The following CRYBA4 variants were observed in gnomAD, a reference collection of about 807,000 sequenced individuals.
The protein encoded by CRYBA4 is beta-crystallin A4.
In CRYBA4, 30 loss-of-function variants were observed where a neutral mutation model predicts 31.7. The observed-to-expected ratio is 0.95, with a 90% CI of 0.71 to 1.28. CRYBA4 has a LOEUF of 1.28. Among genes scored for constraint, CRYBA4 ranks in the 50% most tolerant of loss-of-function variants. CRYBA4 has a pLI of 0.00. For missense variants in CRYBA4, 225 were observed against 260.7 expected, an observed-to-expected ratio of 0.86 and a Z score of 0.94; for synonymous variants, 102 against 102.3, an observed-to-expected ratio of 1.00 and a Z score of 0.02.
chr22:26,602,816 A>C, the CRYBA4 span, among the ~76,000 whole-genome samples: 1 of 152,042 alleles, frequency 6.6e-6, no homozygotes, highest in African/African-American at 2.4e-5. Context: ...GGTGGAACAC[A>C]GATCTAGGTT....
At chr22:26,621,584 A>T (rs569756698), upstream of CRYBA4, among the ~76,000 whole-genome samples, 42 of 152,172 alleles carry the variant, frequency 2.8e-4, no homozygotes, top group South Asian at 8.5e-3. Flanking sequence ...CCTCACAACA[A>T]CTCTGTGATA....
chr22:26,623,113 C>T, intron 2 of CRYBA4, 121 bp from the exon 3 acceptor site: 1 of 838,850 alleles, frequency 1.2e-6, no homozygotes. Context: ...CTTCCTGGCT[C>T]CTGGAGGAAT....
At chr22:26,617,719 A>C (rs1180087073), upstream of CRYBA4, among the ~76,000 whole-genome samples, 13 of 140,292 alleles carry the variant, frequency 9.3e-5, no homozygotes, top group Non-Finnish European at 1.4e-4. Context: ...CTCCCCCACT[A>C]TCTCTCCCTC....
chr22:26,618,093 C>G (rs1226105214), upstream of CRYBA4: 1 of 153,162 alleles, frequency 6.5e-6, no homozygotes, highest in African/African-American at 2.4e-5. Context: ...GTCTGTGGCA[C>G]AAAGGGGAAG....
the CRYBA4 span, among the ~76,000 whole-genome samples, chr22:26,599,024 C>T: frequency 6.6e-6 from 1 of 152,214 alleles, no homozygotes; most frequent in Non-Finnish European, 1.5e-5. Flanking sequence ...CTGGAGCAGT[C>T]TTCATAATGA....
chr22:26,618,420 G>T (rs1487898824), upstream of CRYBA4, among the ~76,000 whole-genome samples: 1 of 152,182 alleles, frequency 6.6e-6, no homozygotes, highest in Non-Finnish European at 1.5e-5. Context: ...CCCCTAGGGG[G>T]GCCTCTGTGT....
chr22:26,600,366 T>C, the CRYBA4 span, among the ~76,000 whole-genome samples: 7 of 151,830 alleles, frequency 4.6e-5, 1 homozygote, highest in South Asian at 2.1e-4. Context: ...TGCACCACTG[T>C]ACTCCAGCCT....
chr22:26,607,215 G>A, the CRYBA4 span, among the ~76,000 whole-genome samples: 336 of 151,774 alleles, frequency 2.2e-3, 5 homozygotes, highest in South Asian at 0.018. Flanking sequence ...TAAAGACGGG[G>A]TTTCGTCATG....
the CRYBA4 span, among the ~76,000 whole-genome samples, chr22:26,607,211 C>CG: frequency 6.6e-6 from 1 of 151,492 alleles, no homozygotes; most frequent in East Asian, 1.9e-4. Flanking sequence ...TTAGTAAAGA[C>CG]GGGGTTTCGT....
At chr22:26,600,004 G>T in the CRYBA4 span, among the ~76,000 whole-genome samples, 2 of 152,208 alleles carry the variant, frequency 1.3e-5, 1 homozygote, top group Non-Finnish European at 2.9e-5. Context: ...CCCATTAAAC[G>T]TGATGATGCA....
the CRYBA4 span, among the ~76,000 whole-genome samples, chr22:26,595,062 C>T: frequency 6.6e-6 from 1 of 152,216 alleles, no homozygotes; most frequent in Admixed American, 6.5e-5. Flanking sequence ...AGCCTTACTA[C>T]ATGTTATTTT....
At chr22:26,630,221 C>A (rs758549333) in intron 5 of CRYBA4, 119 bp from the exon 6 acceptor site, 35 of 1,280,282 alleles carry the variant, frequency 2.7e-5, no homozygotes, top group Non-Finnish European at 3.7e-5. Context: ...ACATTGTGAG[C>A]ACTGAAGAAA....
At chr22:26,591,740 C>CAAAA in the CRYBA4 span, among the ~76,000 whole-genome samples, 8 of 95,060 alleles carry the variant, frequency 8.4e-5, no homozygotes, top group Non-Finnish European at 1.1e-4. Flanking sequence ...GACTCCGTCT[C>CAAAA]AAAAAAAAAA....
chr22:26,622,728 T>C (rs1413800769), intron 2 of CRYBA4, 93 bp downstream of exon 2: 1 of 931,730 alleles, frequency 1.1e-6, no homozygotes, highest in Non-Finnish European at 1.8e-6. Context: ...AAATGCCTAT[T>C]TCACAGAGGT....
the CRYBA4 span, chr22:26,612,225 T>A: frequency 2.1e-6 from 3 of 1,441,142 alleles, no homozygotes; most frequent in Admixed American, 5.0e-5. Flanking sequence ...AAGGGCAGAG[T>A]GAGGGGGGAG....
chr22:26,629,777 C>T (rs1034816948), intron 5 of CRYBA4, among the ~76,000 whole-genome samples: 1 of 132,872 alleles, frequency 7.5e-6, no homozygotes, highest in African/African-American at 2.8e-5. Flanking sequence ...GAAATGATAG[C>T]TTTTTTTCTT....
chr22:26,623,918 T>C (rs1378130399), intron 3 of CRYBA4, among the ~76,000 whole-genome samples: 5 of 152,244 alleles, frequency 3.3e-5, no homozygotes, highest in Non-Finnish European at 4.4e-5. Flanking sequence ...ATGTTCTACA[T>C]CTACACCATC....
At chr22:26,625,690 G>T in intron 4 of CRYBA4, 68 bp downstream of exon 4, 26 of 1,529,902 alleles carry the variant, frequency 1.7e-5, no homozygotes, top group South Asian at 5.6e-5. Flanking sequence ...GGAATCAAAG[G>T]TTCCAGAGTT....
Position 26,623,223 on chromosome 22 carries a change from T to A in CRYBA4, c.40-11T>A, listed in dbSNP as rs775074302. ...GATGCGGATCTCCACCTTTTTTTTT[T>A]CCTGGCACAGATGGTGGTGTGGGAT... On this transcript the variant is annotated splice_polypyrimidine_tract_variant and intron_variant, in intron 2 of 5. Transcript: ENST00000354760. 1.2e-6 allele frequency: 2 copies of A among 1,609,016 alleles called. No individual in the cohort carries two copies. The highest frequency in any genetic ancestry group is 1.7e-6 in the Non-Finnish European group (2 of 1,176,824).
Sources: gnomAD v4.1 joint callset for allele counts (sites outside exome capture counted in the v4.1 genomes callset) on GRCh38, gnomAD v4.1.1 for gene constraint, MANE v1.5 for transcripts, NCBI Gene and HGNC (gene_info 2026-07-23, HGNC 2026-07-21) for gene names.